NPLOC4: variants seen among roughly 807,000 people sequenced by gnomAD.
NPLOC4 encodes the protein nuclear protein localization protein 4 homolog.
In NPLOC4, 18 loss-of-function variants were observed where a neutral mutation model predicts 80.6. The ratio of observed to expected loss-of-function variants is 0.22; its 90% CI spans 0.15 to 0.33. NPLOC4 has a LOEUF of 0.33. NPLOC4 is among the 10% of genes least tolerant of loss of function. The probability of loss-of-function intolerance (pLI) is 1.00; values close to 1 mark genes in which losing one functional copy is unlikely to be tolerated. For synonymous variants in NPLOC4, 313 were observed against 301.5 expected, an observed-to-expected ratio of 1.04 and a Z score of -0.39; for missense variants, 540 against 786.1, an observed-to-expected ratio of 0.69 and a Z score of 3.74.
At chr17:81,599,323 G>A (rs2035005769) in intron 9 of NPLOC4, among the ~76,000 whole-genome samples, 2 of 152,042 alleles carry the variant, frequency 1.3e-5, no homozygotes, top group Non-Finnish European at 2.9e-5. Context: ...AGAGAAACTT[G>A]TGTCTTGCAG....
chr17:81,629,570 T>C (rs1212759404), intron 2 of NPLOC4, among the ~76,000 whole-genome samples, 155 bp downstream of exon 2: 2 of 152,080 alleles, frequency 1.3e-5, no homozygotes, highest in African/African-American at 4.8e-5. Flanking sequence ...TCTCATCCTA[T>C]AGCAATCCAA....
intron 11 of NPLOC4, among the ~76,000 whole-genome samples, chr17:81,593,127 A>G (rs368650374): frequency 1.6e-4 from 25 of 152,200 alleles, no homozygotes; most frequent in South Asian, 1.0e-3. Context: ...AAAAACCACT[A>G]CTTACAATGA....
At chr17:81,618,632 C>T (rs1415427556) in intron 3 of NPLOC4, among the ~76,000 whole-genome samples, 16 of 150,672 alleles carry the variant, frequency 1.1e-4, no homozygotes, top group African/African-American at 2.9e-4. Context: ...AGGTGAGGGG[C>T]GCCTCTGCCC....
In NPLOC4 at chr17:81,627,405, T is replaced by C. The variant is rs985483521; in HGVS notation, c.96+2320A>G. Among the ~76,000 whole-genome samples, 13 of 137,518 alleles carry C rather than the reference T, an allele frequency of 9.5e-5. No homozygotes were observed. The East Asian group carries it at 1.6e-3, about 17-fold the overall frequency. 90.2% of individuals were successfully genotyped at this position (137,518 alleles called of 152,430 possible). A position where few individuals can be genotyped will look rare whatever the true frequency, so the allele number is the denominator to read the frequency against. On this transcript the variant is annotated intron_variant, in intron 2 of 16. Coordinates refer to ENST00000331134, the MANE Select transcript of NPLOC4 (RefSeq NM_017921.4). ...ACTCCGTCTCAAAAAAAAAAAAAAATTGATGCATGGTGGGGAACAAAAATG... is the reference window on the plus strand; with the variant it reads ...ACTCCGTCTCAAAAAAAAAAAAAAACTGATGCATGGTGGGGAACAAAAATG...
chr17:81,614,046 G>A (rs2144258666), intron 3 of NPLOC4, among the ~76,000 whole-genome samples: 1 of 152,212 alleles, frequency 6.6e-6, no homozygotes, highest in South Asian at 2.1e-4. Flanking sequence ...GGAGGCTGAG[G>A]CAGATGGATC....
At position 81,559,200 on chromosome 17, in the gene NPLOC4, C is replaced by G. The variant is rs1302188162; in HGVS notation, c.*59G>C. 1.3e-6 allele frequency: 2 copies of G among 1,521,910 alleles called. No individual in the cohort carries two copies. The highest frequency in any genetic ancestry group is 1.8e-6 in the Non-Finnish European group (2 of 1,131,872). The allele number at this position is 1,521,910 out of a possible 1,614,324, so 94.3% of individuals were successfully genotyped here. A position where few individuals can be genotyped will look rare whatever the true frequency, so the allele number is the denominator to read the frequency against. On this transcript the variant is annotated 3_prime_UTR_variant, in exon 17 of 17. Coordinates refer to ENST00000331134, the MANE Select transcript of NPLOC4 (RefSeq NM_017921.4). ...GTTACAGGGAACACACTCAGCAACG[C>G]TTCTGGCTTCAGGAAGGGCTGGGCT...
intron 12 of NPLOC4, chr17:81,573,353 A>G (rs958916897): frequency 3.9e-5 from 6 of 152,146 alleles, no homozygotes; most frequent in Non-Finnish European, 8.8e-5. Flanking sequence ...CTTCCTGGGG[A>G]TGTCAGGAAG....
chr17:81,585,673 GAA>G lies in NPLOC4; in HGVS notation c.1281+3269_1281+3270del, dbSNP rs555178945. ...AAGACTCCATTTCTGGGGGGGGGGG[GAA>G]AGAAAGAAATCAGAGGCTGGGTGCA... On this transcript the variant is annotated intron_variant, in intron 12 of 16. Transcript: ENST00000331134. Among the ~76,000 whole-genome samples, 787 of 132,514 alleles carry G rather than the reference GAA, an allele frequency of 5.9e-3. 25 individuals are homozygous for G. The highest frequency in any genetic ancestry group is 0.013 in the Admixed American group (174 of 13,002). 86.9% of individuals were successfully genotyped at this position (132,514 alleles called of 152,430 possible).
At chr17:81,564,118 A>ACACACACACACACACAC in intron 16 of NPLOC4, 20 of 323,886 alleles carry the variant, frequency 6.2e-5, no homozygotes, top group African/African-American at 1.8e-4. Flanking sequence ...ACACACACAC[A>ACACACACACACACACAC]AAGAGCAGGG....
chr17:81,630,328 C>A (rs2035896163), intron 1 of NPLOC4, among the ~76,000 whole-genome samples: 1 of 152,024 alleles, frequency 6.6e-6, no homozygotes, highest in African/African-American at 2.4e-5. Flanking sequence ...CTTGCTGTCA[C>A]CCAGGCTGGA....
chr17:81,565,078 A>G (rs1598615479), intron 16 of NPLOC4: 1 of 566,996 alleles, frequency 1.8e-6, no homozygotes, highest in African/African-American at 1.9e-5. Context: ...AGTGTCCACC[A>G]GCAACAACAT....
chr17:81,611,586 G>A lies in NPLOC4; in HGVS notation c.387-1328C>T, dbSNP rs1371021684. Among the ~76,000 whole-genome samples the A allele has an allele frequency of 2.0e-5, 3 of 151,714 alleles. No individual in the cohort carries two copies. In the East Asian group the frequency reaches 6.0e-4, roughly 30 times the overall value. On this transcript the variant is annotated intron_variant, in intron 4 of 16. Transcript: ENST00000331134. ...GCTGGTCTCAAACTCCTGACCTCAG[G>A]TGATCCACCTGCCTCAGCCTCCCAA...
intron 3 of NPLOC4, among the ~76,000 whole-genome samples, chr17:81,616,693 G>A (rs918361490): frequency 5.3e-5 from 8 of 150,314 alleles, no homozygotes; most frequent in African/African-American, 2.0e-4. Context: ...TGGTGCCACT[G>A]CCCTCCAGCC....
In NPLOC4 at chr17:81,578,286, G is replaced by A. The variant is rs974408921; in HGVS notation, c.1282-6198C>T. 4.6e-5 allele frequency among the ~76,000 whole-genome samples: 7 copies of A among 152,168 alleles called. No homozygotes were observed. The Middle Eastern group carries it at 0.01, about 222-fold the overall frequency. On this transcript the variant is annotated intron_variant, in intron 12 of 16. Transcript: ENST00000331134. Reference sequence around the variant, plus strand: ...ACATAGCTTCAGCAGATTCCACTCCGCGTGGCTTCCTCTCACACACTCTAG... The same window carrying A: ...ACATAGCTTCAGCAGATTCCACTCCACGTGGCTTCCTCTCACACACTCTAG...
chr17:81,559,473 G>C lies in NPLOC4; in HGVS notation c.1670-57C>G, dbSNP rs1043963925. On this transcript the variant is annotated intron_variant, in intron 16 of 16. Transcript: ENST00000331134. Reference sequence around the variant, plus strand: ...ATTTCTGGCCCACCAGAGACTGCCAGAGTGTGGGCATGGGGGCAGGGGCAG... The same window carrying C: ...ATTTCTGGCCCACCAGAGACTGCCACAGTGTGGGCATGGGGGCAGGGGCAG... The C allele has an allele frequency of 2.1e-5, 32 of 1,539,230 alleles. No individual in the cohort carries two copies. The East Asian group carries it at 7.6e-4, about 36-fold the overall frequency.
chr17:81,619,570 A>C (rs988153604), intron 3 of NPLOC4, among the ~76,000 whole-genome samples: 2 of 140,076 alleles, frequency 1.4e-5, no homozygotes, highest in Admixed American at 1.5e-4. Context: ...AAAAAAAAAG[A>C]AAGAAAAGAA....
intron 3 of NPLOC4, among the ~76,000 whole-genome samples, chr17:81,620,336 A>C (rs1222458779): frequency 6.6e-6 from 1 of 151,948 alleles, no homozygotes; most frequent in Non-Finnish European, 1.5e-5. Flanking sequence ...CCTCTACATA[A>C]AATAAAAAAA....
At chr17:81,565,002 G>C (rs1470601298) in intron 16 of NPLOC4, 2 of 379,620 alleles carry the variant, frequency 5.3e-6, no homozygotes, top group Non-Finnish European at 9.6e-6. Flanking sequence ...TCTCACGAGT[G>C]GGGAATCGTT....
Position 81,567,383 on chromosome 17 carries a change from C to G in NPLOC4, c.1566+34G>C. ...GGCGTCTCTTTGCAGCCAAAGCCCA[C>G]TTGCTCAAGTGGACACCACACTTGG... is the stretch of plus-strand genomic sequence containing the variant. On this transcript the variant is annotated intron_variant, in intron 15 of 16. Transcript: ENST00000331134. This position sits in a 1 kb window ranked among gnomAD's most constrained non-coding sequence, Gnocchi z 4.5. 7.4e-7 allele frequency: 1 copy of G among 1,359,304 alleles called. No homozygotes were observed. Among genetic ancestry groups the G allele is most frequent in the South Asian group, 1.2e-5 (1 of 83,748 alleles). 84.2% of individuals were successfully genotyped at this position (1,359,304 alleles called of 1,614,324 possible). A position where few individuals can be genotyped will look rare whatever the true frequency, so the allele number is the denominator to read the frequency against.
Sources: allele counts gnomAD v4.1 joint callset (sites outside exome capture counted in the v4.1 genomes callset), GRCh38; gene constraint gnomAD v4.1.1; non-coding constraint Gnocchi (gnomAD v3.1); transcripts MANE v1.5; gene names NCBI Gene and HGNC (gene_info 2026-07-23, HGNC 2026-07-21).